Variants in PPL observed in about 807,000 individuals in gnomAD.
PPL encodes periplakin, also known as 190 kDa paraneoplastic pemphigus antigen.
In PPL, 198 loss-of-function variants were observed where a neutral mutation model predicts 194.4. That is an observed-to-expected ratio of 1.02 (90% CI 0.91 to 1.15). The LOEUF is 1.15. PPL is among the 50% of genes most tolerant of loss of function. The pLI is 0.00. For synonymous variants in PPL, 1,220 were observed against 972.4 expected (o/e 1.25, Z -4.74); for missense variants, 2,885 against 2,294.8 (o/e 1.26, Z -5.25).
intron 1 of PPL, among the ~76,000 whole-genome samples, chr16:4,917,455 T>A (rs190113702): frequency 3.7e-4 from 57 of 152,218 alleles, no homozygotes; most frequent in East Asian, 2.5e-3. Flanking sequence ...AATGCAGAAA[T>A]CTACAGGAGC....
rs770641529 is a variant in PPL at position 4,884,332 on chromosome 16, T to C, written c.4323A>G (p.Val1441=). ...GCAGCACCACCTTCTGCGTATGGGT[T>C]ACCTTCTCACGGGCCTCAGCTTCTT... ...EQEEAEAREK[V]THTQKVVLQQ... The change falls in exon 22 of 22, where the codon GTA becomes GTG. Residue 1441 remains valine, a synonymous_variant. Coordinates refer to ENST00000345988, the MANE Select transcript of PPL (RefSeq NM_002705.5). This position sits in a 1 kb window ranked among gnomAD's most constrained non-coding sequence, Gnocchi z 5.7. 1 of 1,613,030 alleles carries C rather than the reference T, an allele frequency of 6.2e-7. No homozygotes were observed. Among genetic ancestry groups the C allele is most frequent in the Non-Finnish European group, 8.5e-7 (1 of 1,179,768 alleles).
At position 4,885,593 on chromosome 16, in the gene PPL, C is replaced by G. The variant is rs776452155; in HGVS notation, c.3062G>C (p.Arg1021Thr). 2 of 1,612,538 alleles carry G rather than the reference C, an allele frequency of 1.2e-6. No individual in the cohort carries two copies. The highest frequency in any genetic ancestry group is 8.5e-7 in the Non-Finnish European group (1 of 1,179,946). Reference sequence around the variant, plus strand: ...TGCCTCCCGGGCGCCCTTCTGCCGCCTCAGTGCCTCCAGCTCCTCCCGCAG... The same window carrying G: ...TGCCTCCCGGGCGCCCTTCTGCCGCGTCAGTGCCTCCAGCTCCTCCCGCAG... ...LQLREELEAL[R>T]RQKGAREAEV... The change falls in exon 22 of 22, where the codon AGG becomes ACG. Residue 1021 changes from arginine to threonine, a missense_variant. Coordinates refer to ENST00000345988, the MANE Select transcript of PPL (RefSeq NM_002705.5). The surrounding 1 kb of genome is among the most constrained non-coding windows in gnomAD (Gnocchi z 6.3).
intron 21 of PPL, among the ~76,000 whole-genome samples, chr16:4,886,760 A>G (rs1015601350): frequency 1.9e-4 from 29 of 152,182 alleles, no homozygotes; most frequent in African/African-American, 6.5e-4. Context: ...CTGGGATTAC[A>G]AGCATGCGCC....
At position 4,920,028 on chromosome 16, in the gene PPL, G is replaced by C. The variant is rs944783316; in HGVS notation, c.63-9079C>G. On this transcript the variant is annotated intron_variant, in intron 1 of 21. Coordinates refer to ENST00000345988, the MANE Select transcript of PPL (RefSeq NM_002705.5). ...AGGCCAGGCACGGTGGCTCACGCCT[G>C]TAATCCTAGCACTTTGGGAGGCCGA... Among the ~76,000 whole-genome samples the C allele has an allele frequency of 3.9e-5, 6 of 152,118 alleles. No individual in the cohort carries two copies. In the East Asian group the frequency reaches 7.8e-4, roughly 20 times the overall value.
chr16:4,893,336 A>G lies in PPL; in HGVS notation c.1527T>C (p.Ala509=). Residue 509 remains alanine, a synonymous_variant, in exon 14 of 22, where the codon GCT becomes GCC. Coordinates refer to ENST00000345988, the MANE Select transcript of PPL (RefSeq NM_002705.5). ...ASDLQGRQLL[A]GLDKVASDLD... ...GGTCGCTGGCCACCTTGTCCAAGCC[A>G]GCCAGCAGCTGCCGCCCCTGTAGGT... The G allele has an allele frequency of 6.2e-7, 1 of 1,608,516 alleles. No homozygotes were observed. Among genetic ancestry groups the G allele is most frequent in the Non-Finnish European group, 8.5e-7 (1 of 1,179,780 alleles).
intron 8 of PPL, among the ~76,000 whole-genome samples, chr16:4,898,154 G>A (rs558809971): frequency 6.6e-6 from 1 of 152,192 alleles, no homozygotes; most frequent in Non-Finnish European, 1.5e-5. Context: ...GAGGCGGGTG[G>A]ATCACCTGAG....
At chr16:4,898,608 C>T (rs1014291093) in intron 8 of PPL, among the ~76,000 whole-genome samples, 5 of 152,096 alleles carry the variant, frequency 3.3e-5, no homozygotes, top group Admixed American at 3.3e-4. Flanking sequence ...CTGTTGGCAA[C>T]CCCCAGAAGC....
chr16:4,895,260 C>G lies in PPL; in HGVS notation c.1242+1G>C. 3 of 1,601,600 alleles carry G rather than the reference C, an allele frequency of 1.9e-6. No individual in the cohort carries two copies. The highest frequency in any genetic ancestry group is 2.6e-6 in the Non-Finnish European group (3 of 1,173,330). On this transcript the variant is annotated splice_donor_variant, in intron 11 of 21. Transcript: ENST00000345988. LOFTEE classifies it high-confidence loss of function. Reference sequence around the variant, plus strand: ...TGAACAGAGGAGCTGGCCCCACGCACCTGCTCCCCCTCAAAGTCACAGAGT... The same window carrying G: ...TGAACAGAGGAGCTGGCCCCACGCAGCTGCTCCCCCTCAAAGTCACAGAGT...
intron 1 of PPL, among the ~76,000 whole-genome samples, chr16:4,931,086 G>A (rs558134292): frequency 3.3e-5 from 5 of 152,284 alleles, no homozygotes; most frequent in South Asian, 2.1e-4. Flanking sequence ...GAAAGGGCCT[G>A]CGTGCAGTGG....
At position 4,885,144 on chromosome 16, in the gene PPL, G is replaced by A; in HGVS notation, c.3511C>T (p.Gln1171Ter). The A allele has an allele frequency of 6.2e-7, 1 of 1,614,048 alleles. No homozygotes were observed. Among genetic ancestry groups the A allele is most frequent in the Non-Finnish European group, 8.5e-7 (1 of 1,180,016 alleles). ...LEEENAKVVVQEKVREIVRPD... is the reference protein window; with the variant it reads ...LEEENAKVVV ...CGCACGATCTCCCGCACCTTCTCCT[G>A]CACCACCACTTTGGCGTTCTCCTCC... The change falls in exon 22 of 22, where the codon CAG becomes TAG. Residue 1171 changes from glutamine to a stop codon, truncating the protein, a stop_gained. Coordinates refer to ENST00000345988, the MANE Select transcript of PPL (RefSeq NM_002705.5). LOFTEE classifies it high-confidence loss of function. The surrounding 1 kb of genome is among the most constrained non-coding windows in gnomAD (Gnocchi z 6.3).
At position 4,884,210 on chromosome 16, in the gene PPL, G is replaced by A. The variant is rs1377504741; in HGVS notation, c.4445C>T (p.Thr1482Ile). ...RRQLLEGELE[T>I]LRRKLAALEK... The stretch of plus-strand genomic sequence containing the variant: ...CAGTGCAGCCAGTTTCCTCCGGAGG[G>A]TCTCGAGCTCCCCCTCCAGGAGCTG... Residue 1482 changes from threonine to isoleucine, a missense_variant, in exon 22 of 22, where the codon ACC (threonine) becomes ATC (isoleucine). Physicochemically the swap from Thr to Ile is moderately conservative, Grantham distance 89. Coordinates refer to ENST00000345988, the MANE Select transcript of PPL (RefSeq NM_002705.5). This position sits in a 1 kb window ranked among gnomAD's most constrained non-coding sequence, Gnocchi z 5.7. 4 of 1,613,662 alleles carry A rather than the reference G, an allele frequency of 2.5e-6. No individual in the cohort carries two copies. The highest frequency in any genetic ancestry group is 2.7e-5 in the African/African-American group (2 of 74,894).
chr16:4,934,053 A>C (rs912759349), intron 1 of PPL, among the ~76,000 whole-genome samples: 11 of 152,218 alleles, frequency 7.2e-5, no homozygotes, highest in Non-Finnish European at 4.4e-5. Flanking sequence ...GAAGCCAAGC[A>C]GCTCCTCTGA....
chr16:4,895,858 G>T, intron 9 of PPL, 142 bp from the exon 10 acceptor site: 1 of 1,218,424 alleles, frequency 8.2e-7, no homozygotes, highest in Non-Finnish European at 1.1e-6. Context: ...TGCTGAGCCT[G>T]AGGCTCCTCT....
intron 9 of PPL, among the ~76,000 whole-genome samples, chr16:4,896,604 G>A (rs993211424): frequency 1.3e-5 from 2 of 151,348 alleles, no homozygotes; most frequent in African/African-American, 4.9e-5. Context: ...GGGGGAGTGG[G>A]AATGGAAAAC....
Position 4,891,840 on chromosome 16 carries a change from C to T in PPL, c.1939G>A (p.Val647Ile). ...QDDTVPESSRVLDSKGQELAA... is the reference protein window; with the variant it reads ...QDDTVPESSRILDSKGQELAA... ...AGCTCCTGCCCCTTGCTGTCCAGGA[C>T]ACGGCTGCTCTCAGGCACTGTGTCA... is the stretch of plus-strand genomic sequence containing the variant. The change falls in exon 16 of 22, where the codon GTC becomes ATC. Residue 647 changes from valine (V) to isoleucine (I), a missense_variant. Val to Ile is a conservative substitution (Grantham distance 29). Coordinates refer to ENST00000345988, the MANE Select transcript of PPL (RefSeq NM_002705.5). 1 of 1,613,138 alleles carries T rather than the reference C, an allele frequency of 6.2e-7. No individual in the cohort carries two copies. The highest frequency in any genetic ancestry group is 8.5e-7 in the Non-Finnish European group (1 of 1,179,796).
At chr16:4,914,021 G>A (rs1299063666) in intron 1 of PPL, among the ~76,000 whole-genome samples, 1 of 152,222 alleles carries the variant, frequency 6.6e-6, no homozygotes, top group Non-Finnish European at 1.5e-5. Context: ...TGGACTGGCT[G>A]GGTGGGGACA....
rs772964493 is a variant in PPL at position 4,884,146 on chromosome 16, C to CT, written c.4508dup (p.Ser1504GlufsTer48). 6.2e-7 allele frequency: 1 copy of CT among 1,613,722 alleles called. No individual in the cohort carries two copies. The highest frequency in any genetic ancestry group is 8.5e-7 in the Non-Finnish European group (1 of 1,180,046). ...TGTCGCCCTTCTCCACCTGGACACT[C>CT]TCGGAGAGCACCACCTTCTCCTTGA... On this transcript the variant is annotated frameshift_variant, in exon 22 of 22. Transcript: ENST00000345988. LOFTEE classifies it high-confidence loss of function. This position sits in a 1 kb window ranked among gnomAD's most constrained non-coding sequence, Gnocchi z 5.7.
chr16:4,894,388 T>C, intron 12 of PPL, 79 bp downstream of exon 12: 1 of 1,547,560 alleles, frequency 6.5e-7, no homozygotes, highest in South Asian at 1.2e-5. Flanking sequence ...TGAGTCCAAA[T>C]CCCCGGGGCT....
At chr16:4,922,698 A>C (rs2089074267) in intron 1 of PPL, among the ~76,000 whole-genome samples, 1 of 152,002 alleles carries the variant, frequency 6.6e-6, no homozygotes, top group Non-Finnish European at 1.5e-5. Context: ...AGAAACAAAC[A>C]AAAAGCCAGA....
Sources: allele counts gnomAD v4.1 joint callset (sites outside exome capture counted in the v4.1 genomes callset), GRCh38; gene constraint gnomAD v4.1.1; non-coding constraint Gnocchi (gnomAD v3.1); transcripts MANE v1.5; gene names NCBI Gene and HGNC (gene_info 2026-07-23, HGNC 2026-07-21).